The following ENOX2 variants were observed in gnomAD, a reference collection of about 807,000 sequenced individuals.
The protein encoded by ENOX2 is ecto-NOX disulfide-thiol exchanger 2.
ENOX2 carries 36 observed loss-of-function variants against 45.0 expected under a neutral mutation model. The ratio of observed to expected loss-of-function variants is 0.80; its 90% CI spans 0.61 to 1.06. The LOEUF (loss-of-function observed/expected upper bound fraction) is 1.06, where lower values mean the gene tolerates loss of function less well. ENOX2 is among the 50% of genes least tolerant of loss of function. ENOX2 has a pLI of 0.00. For synonymous variants in ENOX2, 174 were observed against 152.3 expected (o/e 1.14, Z -1.05); for missense variants, 423 against 462.5 (o/e 0.91, Z 0.78).
intron 2 of ENOX2, among the ~76,000 whole-genome samples, chrX:130,845,419 G>A (rs1426464209): frequency 8.9e-6 from 1 of 112,692 alleles, no homozygotes; most frequent in Non-Finnish European, 1.9e-5. Context: ...GCAAAGAAGA[G>A]TGTATTCTTC....
chrX:130,780,098 G>C (rs1022468707), intron 3 of ENOX2, among the ~76,000 whole-genome samples: 1 of 111,337 alleles, frequency 9.0e-6, no homozygotes, highest in Non-Finnish European at 1.9e-5. Context: ...GGTAAGCACA[G>C]TGTCTTCAGA....
chrX:130,719,120 A>C (rs2038405290), intron 3 of ENOX2, among the ~76,000 whole-genome samples: 1 of 111,631 alleles, frequency 9.0e-6, no homozygotes, highest in Non-Finnish European at 1.9e-5. Context: ...TTGAAGATCT[A>C]TGAGAATGAG....
At chrX:130,762,497 C>G (rs760119125) in intron 3 of ENOX2, among the ~76,000 whole-genome samples, 5 of 111,739 alleles carry the variant, frequency 4.5e-5, no homozygotes, top group Non-Finnish European at 9.4e-5. Flanking sequence ...TGGGAGGATT[C>G]CCTGAGCCCA....
At chrX:130,656,204 G>A (rs1197678022) in intron 10 of ENOX2, among the ~76,000 whole-genome samples, 2 of 112,556 alleles carry the variant, frequency 1.8e-5, no homozygotes, top group Non-Finnish European at 3.8e-5. Flanking sequence ...TGAAATTGAA[G>A]AGGAGGGTAT....
intron 3 of ENOX2, among the ~76,000 whole-genome samples, chrX:130,771,687 T>C (rs1401213238): frequency 8.9e-6 from 1 of 112,145 alleles, no homozygotes; most frequent in East Asian, 2.8e-4. Flanking sequence ...TAATCCATGA[T>C]AACCTTCTGG....
At chrX:130,659,587 G>C (rs1191385402) in intron 9 of ENOX2, among the ~76,000 whole-genome samples, 1 of 112,370 alleles carries the variant, frequency 8.9e-6, no homozygotes, top group East Asian at 2.8e-4. Context: ...TCATCAAAGA[G>C]CTGTTACCGG....
At chrX:130,650,926 T>A (rs192541552) in intron 10 of ENOX2, among the ~76,000 whole-genome samples, 2 of 111,355 alleles carry the variant, frequency 1.8e-5, no homozygotes, top group South Asian at 7.6e-4. Flanking sequence ...GAAAAAAAAA[T>A]TAGTAGAAGT....
intron 3 of ENOX2, among the ~76,000 whole-genome samples, chrX:130,705,614 C>G (rs150848649): frequency 6.4e-4 from 72 of 111,716 alleles, no homozygotes; most frequent in African/African-American, 2.3e-3. Flanking sequence ...TTCTTATCTC[C>G]CTTCCCTCCC....
intron 2 of ENOX2, among the ~76,000 whole-genome samples, chrX:130,851,740 G>A (rs760050661): frequency 8.9e-6 from 1 of 112,001 alleles, no homozygotes; most frequent in South Asian, 3.7e-4. Context: ...ATACTGAGGA[G>A]GATAATACGG....
At chrX:130,658,881 G>A (rs1285740298) in intron 9 of ENOX2, among the ~76,000 whole-genome samples, 1 of 112,314 alleles carries the variant, frequency 8.9e-6, no homozygotes, top group Non-Finnish European at 1.9e-5. Context: ...AGAAAATGCT[G>A]AAGAAAGTTC....
intron 2 of ENOX2, among the ~76,000 whole-genome samples, chrX:130,878,985 T>C (rs2078757449): frequency 2.7e-5 from 3 of 112,538 alleles, no homozygotes; most frequent in African/African-American, 6.5e-5. Flanking sequence ...TTATTAAATA[T>C]GGATTGTCAC....
chrX:130,757,437 C>A (rs2039378507), intron 3 of ENOX2, among the ~76,000 whole-genome samples: 1 of 112,093 alleles, frequency 8.9e-6, no homozygotes, highest in Non-Finnish European at 1.9e-5. Context: ...TGCAAAAAGG[C>A]ATGACAGGCA....
At chrX:130,853,867 GGAGGCT>G (rs2078262437) in intron 2 of ENOX2, among the ~76,000 whole-genome samples, 1 of 111,488 alleles carries the variant, frequency 9.0e-6, no homozygotes, top group Non-Finnish European at 1.9e-5. Flanking sequence ...GAGTTTCAAT[GGAGGCT>G]GAGTGGAGAG....
intron 2 of ENOX2, among the ~76,000 whole-genome samples, chrX:130,848,733 T>C (rs755606214): frequency 9.0e-6 from 1 of 110,877 alleles, no homozygotes; most frequent in South Asian, 3.8e-4. Flanking sequence ...AAAACTGCAA[T>C]CCCAGTGAAC....
intron 2 of ENOX2, among the ~76,000 whole-genome samples, chrX:130,894,073 T>G (rs746191365): frequency 2.0e-4 from 22 of 112,205 alleles, no homozygotes; most frequent in African/African-American, 6.8e-4. Context: ...GGAAGTTATG[T>G]CCTGTGTGCA....
chrX:130,668,626 T>C (rs930876385), intron 7 of ENOX2, among the ~76,000 whole-genome samples: 12 of 111,820 alleles, frequency 1.1e-4, no homozygotes, highest in Admixed American at 1.9e-4. Flanking sequence ...TTTGGATCTA[T>C]TGAAGCCCAA....
At chrX:130,843,398 A>G (rs1313788779) in intron 2 of ENOX2, among the ~76,000 whole-genome samples, 1 of 111,794 alleles carries the variant, frequency 8.9e-6, no homozygotes, top group East Asian at 2.8e-4. Context: ...CCTGCCTCCA[A>G]CCAACTCTCT....
At chrX:130,885,424 G>A (rs1341723333) in intron 2 of ENOX2, among the ~76,000 whole-genome samples, 2 of 111,803 alleles carry the variant, frequency 1.8e-5, no homozygotes, top group African/African-American at 6.5e-5. Context: ...CACACTTACT[G>A]AGAATGAACT....
chrX:130,890,045 T>C (rs968381537), intron 2 of ENOX2, among the ~76,000 whole-genome samples: 7 of 112,658 alleles, frequency 6.2e-5, no homozygotes, highest in Non-Finnish European at 1.1e-4. Flanking sequence ...CTGTTCTCCC[T>C]TTGGGCATTG....
Sources: gnomAD v4.1 joint callset for allele counts (sites outside exome capture counted in the v4.1 genomes callset) on GRCh38, gnomAD v4.1.1 for gene constraint, MANE v1.5 for transcripts, NCBI Gene and HGNC (gene_info 2026-07-23, HGNC 2026-07-21) for gene names.